The following SERINC2 variants were observed in gnomAD, a reference collection of about 807,000 sequenced individuals.
The protein encoded by SERINC2 is serine incorporator 2.
In SERINC2, 56 loss-of-function variants were observed where a neutral mutation model predicts 54.2. The ratio of observed to expected loss-of-function variants is 1.03; its 90% CI spans 0.83 to 1.29. The LOEUF (loss-of-function observed/expected upper bound fraction) is 1.29. Among genes scored for constraint, SERINC2 ranks in the 50% most tolerant of loss-of-function variants. The probability of loss-of-function intolerance (pLI) is 0.00; values close to 1 mark genes in which losing one functional copy is unlikely to be tolerated. For missense variants in SERINC2, 614 were observed against 607.4 expected (o/e 1.01, Z -0.12); for synonymous variants, 272 against 253.1 (o/e 1.07, Z -0.71).
chr1:31,413,044 G>T, upstream of SERINC2: 1 of 658,928 alleles, frequency 1.5e-6, no homozygotes, highest in Non-Finnish European at 1.9e-6. This position sits in a 1 kb window ranked among gnomAD's most constrained non-coding sequence, Gnocchi z 5.0. Flanking sequence ...GCGTGGCCGC[G>T]GGAATCCCCG....
intron 7 of SERINC2, 53 bp from the exon 8 acceptor site, chr1:31,429,344 G>T: frequency 5.1e-6 from 8 of 1,554,430 alleles, no homozygotes; most frequent in Non-Finnish European, 7.0e-6. Context: ...GGGCCACTTG[G>T]CTACCTAGGC....
chr1:31,413,260 G>A lies in SERINC2; in HGVS notation c.-6G>A, dbSNP rs113775292. On this transcript the variant is annotated 5_prime_UTR_variant, in exon 1 of 10. Coordinates refer to ENST00000373709, the MANE Select transcript of SERINC2 (RefSeq NM_178865.5). The surrounding 1 kb of genome is among the most constrained non-coding windows in gnomAD (Gnocchi z 5.0). Reference sequence around the variant, plus strand: ...CGCCGGGCGCCCGAAGCCGGGAGCCGCCGCCATGGGGGCCTGCCTGGGAGC... The same window carrying A: ...CGCCGGGCGCCCGAAGCCGGGAGCCACCGCCATGGGGGCCTGCCTGGGAGC... 0.013 allele frequency: 15,332 copies of A among 1,213,040 alleles called. 108 individuals are homozygous for A. Among genetic ancestry groups the A allele is most frequent in the Non-Finnish European group, 0.014 (14,003 of 975,858 alleles). The allele number at this position is 1,213,040 out of a possible 1,614,324, so 75.1% of individuals were successfully genotyped here.
Position 31,423,868 on chromosome 1 carries a change from G to A in SERINC2, c.201+14G>A. 6.2e-7 allele frequency: 1 copy of A among 1,610,682 alleles called. No individual in the cohort carries two copies. The highest frequency in any genetic ancestry group is 1.1e-5 in the South Asian group (1 of 91,012). ...CAGCTCTACAAGGTGAGTGCCCCAG[G>A]GGAGGCAGGGCGGCCTCCAGCGAGG... On this transcript the variant is annotated intron_variant, in intron 2 of 9. Transcript: ENST00000373709.
intron 8 of SERINC2, among the ~76,000 whole-genome samples, chr1:31,431,961 G>A (rs1381560486): frequency 4.1e-5 from 5 of 123,124 alleles, no homozygotes; most frequent in African/African-American, 1.3e-4. Context: ...GGGTGGTTAG[G>A]GTGGATAGGG....
chr1:31,423,443 G>A (rs1425174972), intron 1 of SERINC2, among the ~76,000 whole-genome samples: 1 of 152,198 alleles, frequency 6.6e-6, no homozygotes, highest in Non-Finnish European at 1.5e-5. Context: ...ACCTCGGCTA[G>A]CTCTCGCTTT....
intron 8 of SERINC2, among the ~76,000 whole-genome samples, chr1:31,432,262 C>G (rs1430403728): frequency 3.4e-5 from 5 of 147,606 alleles, no homozygotes; most frequent in African/African-American, 1.2e-4. Context: ...GGGGTGATTT[C>G]TCAATTTGCT....
At chr1:31,414,460 A>G (rs1195249396) in intron 1 of SERINC2, 1 of 247,534 alleles carries the variant, frequency 4.0e-6, no homozygotes, top group Non-Finnish European at 5.3e-6. Flanking sequence ...TGTGTGAGAG[A>G]GAGAGAGAGA....
Position 31,434,281 on chromosome 1 carries a change from A to G in SERINC2, c.*82A>G. 7.0e-7 allele frequency: 1 copy of G among 1,426,944 alleles called. No individual in the cohort carries two copies. Among genetic ancestry groups the G allele is most frequent in the East Asian group, 2.3e-5 (1 of 43,740 alleles). The allele number at this position is 1,426,944 out of a possible 1,614,324, so 88.4% of individuals were successfully genotyped here. ...GTGACAGCCAACCTGCCCCCTCCCC[A>G]CACCAATCAGCCAGGCTGAGCCCCC... On this transcript the variant is annotated 3_prime_UTR_variant, in exon 10 of 10. Coordinates refer to ENST00000373709, the MANE Select transcript of SERINC2 (RefSeq NM_178865.5).
At chr1:31,412,041 T>A (rs1640659471), upstream of SERINC2, among the ~76,000 whole-genome samples, 1 of 140,232 alleles carries the variant, frequency 7.1e-6, no homozygotes, top group African/African-American at 2.7e-5. Context: ...GAGGGCATTG[T>A]GTGGGCAAAA....
intron 5 of SERINC2, 50 bp downstream of exon 5, chr1:31,425,963 C>A: frequency 1.3e-6 from 2 of 1,570,362 alleles, no homozygotes. Flanking sequence ...CTGGGCAGGG[C>A]TGGGGCTGCC....
intron 1 of SERINC2, among the ~76,000 whole-genome samples, chr1:31,417,678 C>T (rs1037346171): frequency 1.3e-5 from 2 of 152,268 alleles, no homozygotes; most frequent in South Asian, 4.1e-4. Context: ...TCCCACTAAA[C>T]AGTAACTCCC....
At chr1:31,417,312 A>G (rs1553132320) in intron 1 of SERINC2, among the ~76,000 whole-genome samples, 1 of 152,098 alleles carries the variant, frequency 6.6e-6, no homozygotes, top group African/African-American at 2.4e-5. Context: ...TTTCGCAATC[A>G]TTCCCCATTG....
In SERINC2 at chr1:31,424,793, G is replaced by C. The variant is rs782389423; in HGVS notation, c.312G>C (p.Thr104=). ...CTGTCTACCGCATGTGCTTCGCCAC[G>C]GCGGCCTTCTTCTTCTTTTTCACCC... ...YRAVYRMCFA[T]AAFFFFFTLL... is the part of the protein sequence containing the mutation. Residue 104 remains threonine (T), a synonymous_variant, in exon 3 of 10, where the codon ACG becomes ACC. Coordinates refer to ENST00000373709, the MANE Select transcript of SERINC2 (RefSeq NM_178865.5). The C allele has an allele frequency of 5.0e-6, 8 of 1,612,160 alleles. No homozygotes were observed. The highest frequency in any genetic ancestry group is 2.2e-5 in the East Asian group (1 of 44,834).
intron 8 of SERINC2, among the ~76,000 whole-genome samples, chr1:31,432,053 TGGACAGGG>T: frequency 7.6e-6 from 1 of 131,054 alleles, no homozygotes; most frequent in African/African-American, 3.2e-5. Flanking sequence ...GTGGACAGGG[TGGACAGGG>T]TGGACAGGGT....
Position 31,432,091 on chromosome 1 carries a change from GAC to G in SERINC2, c.1014-874_1014-873del, listed in dbSNP as rs1557501131. ...CAGGGTGGACAGGGTGGTTAGGGTG[GAC>G]AGGGTGGACAGGGTGGATAGGGTGG... is the stretch of plus-strand genomic sequence containing the variant. On this transcript the variant is annotated intron_variant, in intron 8 of 9. Coordinates refer to ENST00000373709, the MANE Select transcript of SERINC2 (RefSeq NM_178865.5). Among the ~76,000 whole-genome samples, 52 of 124,762 alleles carry G rather than the reference GAC, an allele frequency of 4.2e-4. 5 individuals are homozygous for G. The highest frequency in any genetic ancestry group is 1.1e-3 in the South Asian group (4 of 3,524). The allele number at this position is 124,762 out of a possible 152,430, so 81.8% of individuals were successfully genotyped here.
At chr1:31,432,093 CAGGGTGGACAGGGTGG>C (rs1641283260) in intron 8 of SERINC2, among the ~76,000 whole-genome samples, 1 of 16,546 alleles carries the variant, frequency 6.0e-5, no homozygotes. Context: ...TTAGGGTGGA[CAGGGTGGACAGGGTGG>C]ATAGGGTGGT....
Position 31,413,240 on chromosome 1 carries a change from G to A in SERINC2, c.-26G>A. On this transcript the variant is annotated 5_prime_UTR_variant, in exon 1 of 10. Coordinates refer to ENST00000373709, the MANE Select transcript of SERINC2 (RefSeq NM_178865.5). The surrounding 1 kb of genome is among the most constrained non-coding windows in gnomAD (Gnocchi z 5.0). ...GGTCCGCGCCCCGCGCCCGGCGCCG[G>A]GCGCCCGAAGCCGGGAGCCGCCGCC... 8 of 1,165,812 alleles carry A rather than the reference G, an allele frequency of 6.9e-6. No individual in the cohort carries two copies. Among genetic ancestry groups the A allele is most frequent in the Non-Finnish European group, 8.4e-6 (8 of 947,978 alleles). The allele number at this position is 1,165,812 out of a possible 1,614,324, so 72.2% of individuals were successfully genotyped here. A position where few individuals can be genotyped will look rare whatever the true frequency, so the allele number is the denominator to read the frequency against.
chr1:31,433,463 C>T (rs1641382830), intron 9 of SERINC2, among the ~76,000 whole-genome samples: 1 of 152,096 alleles, frequency 6.6e-6, no homozygotes, highest in South Asian at 2.1e-4. Flanking sequence ...GTTTACAAAT[C>T]AGGGGTCATG....
At chr1:31,428,831 G>A in intron 6 of SERINC2, 147 bp from the exon 7 acceptor site, 1 of 671,788 alleles carries the variant, frequency 1.5e-6, no homozygotes, top group Non-Finnish European at 2.7e-6. Flanking sequence ...GTGGTAGGTG[G>A]CCTGCTTGGT....
Sources: gnomAD v4.1 joint callset for allele counts (sites outside exome capture counted in the v4.1 genomes callset) on GRCh38, gnomAD v4.1.1 for gene constraint, Gnocchi (gnomAD v3.1) non-coding constraint, MANE v1.5 for transcripts, NCBI Gene and HGNC (gene_info 2026-07-23, HGNC 2026-07-21) for gene names.